Variants in LTBP4 observed in about 807,000 individuals in gnomAD.
LTBP4 encodes latent transforming growth factor beta binding protein 4, also known as latent-transforming growth factor beta-binding protein 4.
A neutral mutation model predicts 180.2 loss-of-function variants in LTBP4; 93 were observed. The ratio of observed to expected loss-of-function variants is 0.52; its 90% CI spans 0.44 to 0.61. The LOEUF (loss-of-function observed/expected upper bound fraction) is 0.61, where lower values mean the gene tolerates loss of function less well. LTBP4 is among the 20% of genes least tolerant of loss of function. The pLI is 0.00. For missense variants in LTBP4, 2,116 were observed against 2,256.5 expected, an observed-to-expected ratio of 0.94 and a Z score of 1.26; for synonymous variants, 947 against 934.5, an observed-to-expected ratio of 1.01 and a Z score of -0.24.
chr19:40,597,551 G>A (rs1045042943), upstream of LTBP4, among the ~76,000 whole-genome samples: 2 of 152,140 alleles, frequency 1.3e-5, no homozygotes, highest in South Asian at 2.1e-4. Context: ...GATTCGGGGA[G>A]TACTGAGATT....
rs765763820 is a variant in LTBP4 at position 40,605,213 on chromosome 19, C to G, written c.429C>G (p.Arg143=). ...SVYTMPLANH[R]DDEHGVASMV... ...ACACTATGCCACTGGCCAACCACCG[C>G]GACGACGAGCACGGTGAGGAAAGGG... Residue 143 remains arginine (R), a synonymous_variant, in exon 2 of 30, where the codon CGC becomes CGG. Coordinates refer to ENST00000396819, the MANE Select transcript of LTBP4 (RefSeq NM_001042545.2). The surrounding 1 kb of genome is among the most constrained non-coding windows in gnomAD (Gnocchi z 5.5). 3.8e-6 allele frequency: 6 copies of G among 1,596,266 alleles called. No homozygotes were observed. The highest frequency in any genetic ancestry group is 5.1e-6 in the Non-Finnish European group (6 of 1,171,632).
chr19:40,627,063 C>G lies in LTBP4; in HGVS notation c.4074C>G (p.Gly1358=), dbSNP rs2081639421. ...GCTTTGGACTCCCCTACGAGTACGG[C>G]CCAGACTTAGGTCCACCTTACCAGG... ...PGGFGLPYEY[G]PDLGPPYQGL... is the part of the protein sequence containing the mutation. The change falls in exon 28 of 30, where the codon GGC becomes GGG. Residue 1358 remains glycine (G), a synonymous_variant. Transcript: ENST00000396819. 1.9e-6 allele frequency: 3 copies of G among 1,613,760 alleles called. No individual in the cohort carries two copies. The highest frequency in any genetic ancestry group is 2.5e-6 in the Non-Finnish European group (3 of 1,179,752).
chr19:40,614,316 C>T lies in LTBP4; in HGVS notation c.2682C>T (p.Asp894=), dbSNP rs2146034048. ...RAGPDLASCL[D]VDECRERGPA... ...CGACCACCCGACCTCTCTCCTCAGA[C>T]GTGGACGAATGTCGCGAGCGAGGCC... Residue 894 remains aspartate (D), a splice_region_variant and synonymous_variant, in exon 19 of 30, where the codon GAC becomes GAT. Transcript: ENST00000396819. 2 of 1,599,070 alleles carry T rather than the reference C, an allele frequency of 1.3e-6. No homozygotes were observed. Among genetic ancestry groups the T allele is most frequent in the Non-Finnish European group, 1.7e-6 (2 of 1,179,240 alleles).
rs567854760 is a variant in LTBP4, at chr19:40,629,676, G to A, written c.*126G>A. Reference sequence around the variant, plus strand: ...GGACCTGGAGAAGGGACCTACGGACGCCTGGAAGCTGCGACGCCCTGCACT... The same window carrying A: ...GGACCTGGAGAAGGGACCTACGGACACCTGGAAGCTGCGACGCCCTGCACT... On this transcript the variant is annotated 3_prime_UTR_variant, in exon 30 of 30. Coordinates refer to ENST00000396819, the MANE Select transcript of LTBP4 (RefSeq NM_001042545.2). This position sits in a 1 kb window ranked among gnomAD's most constrained non-coding sequence, Gnocchi z 4.5. The A allele has an allele frequency of 6.4e-5, 66 of 1,026,542 alleles. No homozygotes were observed. In the African/African-American group the frequency reaches 9.6e-4, roughly 15 times the overall value. 63.6% of individuals were successfully genotyped at this position (1,026,542 alleles called of 1,614,324 possible). A position where few individuals can be genotyped will look rare whatever the true frequency, so the allele number is the denominator to read the frequency against.
Position 40,616,949 on chromosome 19 carries a change from C to T in LTBP4, c.2873C>T (p.Thr958Ile). ...EICGAQRCENTPGSYRCTPAC... is the reference protein window; with the variant it reads ...EICGAQRCENIPGSYRCTPAC... ...TGTGGAGCCCAGCGTTGTGAGAACA[C>T]CCCTGGCTCCTACCGCTGCACACCA... is the stretch of plus-strand genomic sequence containing the variant. Residue 958 changes from threonine (T) to isoleucine (I), a missense_variant, in exon 20 of 30, where the codon ACC becomes ATC. Around this residue, in one of 5 missense-constraint regions of LTBP4, gnomAD observed 877 missense variants for 873.6 expected, o/e 1.00. Transcript: ENST00000396819. The T allele has an allele frequency of 6.2e-7, 1 of 1,614,034 alleles. No homozygotes were observed. The highest frequency in any genetic ancestry group is 1.1e-5 in the South Asian group (1 of 91,076).
rs900805907 is a variant in LTBP4 at position 40,609,871 on chromosome 19, G to A, written c.1684G>A (p.Asp562Asn). Residue 562 changes from aspartate (D) to asparagine (N), a missense_variant and splice_region_variant, in exon 11 of 30, where the codon GAT becomes AAT. Asp to Asn is a conservative substitution (Grantham distance 23). Transcript: ENST00000396819. The surrounding 1 kb of genome is among the most constrained non-coding windows in gnomAD (Gnocchi z 4.9). ...RAGPRAAECL[D>N]VDECHRVPPP... ...CGGCCCACGGGCTGCGGAATGCCTGGGTGAGAAATTTGCCCCACCCGGCTC... is the reference window on the plus strand; with the variant it reads ...CGGCCCACGGGCTGCGGAATGCCTGAGTGAGAAATTTGCCCCACCCGGCTC... The A allele has an allele frequency of 6.4e-7, 1 of 1,554,840 alleles. No individual in the cohort carries two copies. Among genetic ancestry groups the A allele is most frequent in the Non-Finnish European group, 8.7e-7 (1 of 1,148,308 alleles).
intron 1 of LTBP4, among the ~76,000 whole-genome samples, chr19:40,603,966 C>T (rs1446173728): frequency 6.6e-6 from 1 of 152,260 alleles, no homozygotes; most frequent in Non-Finnish European, 1.5e-5. Context: ...AGCGAGGGCG[C>T]GCAGAGGGGA....
chr19:40,616,513 G>A (rs10403833), intron 19 of LTBP4, among the ~76,000 whole-genome samples: 73,954 of 151,784 alleles, frequency 0.49, 19,016 homozygotes, highest in African/African-American at 0.65. Flanking sequence ...TGGACAGATC[G>A]CTTGAGGTCA....
intron 7 of LTBP4, among the ~76,000 whole-genome samples, 175 bp from the exon 8 acceptor site, chr19:40,608,045 G>A (rs1165512421): frequency 6.6e-6 from 1 of 152,164 alleles, no homozygotes; most frequent in African/African-American, 2.4e-5. Context: ...GGCCCCACCT[G>A]TAGCCTCTAA....
chr19:40,604,619 G>A (rs1285343763), intron 1 of LTBP4, among the ~76,000 whole-genome samples: 1 of 152,174 alleles, frequency 6.6e-6, no homozygotes, highest in African/African-American at 2.4e-5. Context: ...TGAGGCAGAA[G>A]GATTGCCTGA....
At chr19:40,612,377 C>G (rs2081514283) in intron 15 of LTBP4, among the ~76,000 whole-genome samples, 185 bp downstream of exon 15, 1 of 152,164 alleles carries the variant, frequency 6.6e-6, no homozygotes, top group South Asian at 2.1e-4. Context: ...TCCTGAGACC[C>G]AACTTGACAG....
At chr19:40,596,738 T>C (rs2081392457), upstream of LTBP4, among the ~76,000 whole-genome samples, 1 of 151,920 alleles carries the variant, frequency 6.6e-6, no homozygotes, top group African/African-American at 2.4e-5. Context: ...ATCCTCAGTC[T>C]CTCTCGTGGA....
rs764380009 is a variant in LTBP4, at chr19:40,611,296, C to T, written c.1955C>T (p.Pro652Leu). The T allele has an allele frequency of 1.4e-5, 23 of 1,611,624 alleles. No homozygotes were observed. Among genetic ancestry groups the T allele is most frequent in the Middle Eastern group, 3.5e-4 (2 of 5,694 alleles). The change falls in exon 13 of 30, where the codon CCG becomes CTG. Residue 652 changes from proline (P) to leucine (L), a missense_variant. By Grantham distance (98) the Pro-to-Leu change is moderately conservative. Transcript: ENST00000396819. The surrounding 1 kb of genome is among the most constrained non-coding windows in gnomAD (Gnocchi z 4.4). ...GTGGATGAGTGTGCCCAGGAGCCGC[C>T]GCCCTGTGGGCCCGGCCGCTGTGAC... ...EDVDECAQEP[P>L]PCGPGRCDNT...
rs1484327345 is a variant in LTBP4, at chr19:40,613,683, A to AG, written c.2557+161dup. The AG allele has an allele frequency of 2.3e-5, 27 of 1,191,592 alleles. No individual in the cohort carries two copies. Among genetic ancestry groups the AG allele is most frequent in the Middle Eastern group, 2.5e-4 (1 of 3,930 alleles). 73.8% of individuals were successfully genotyped at this position (1,191,592 alleles called of 1,614,324 possible). A position where few individuals can be genotyped will look rare whatever the true frequency, so the allele number is the denominator to read the frequency against. Reference sequence around the variant, plus strand: ...AGCTGGTGGGAGTCTCGAGGCAGTGAGGGGGGGCGGGGCGTGGAGATGAAA... The same window carrying AG: ...AGCTGGTGGGAGTCTCGAGGCAGTGAGGGGGGGGCGGGGCGTGGAGATGAAA... On this transcript the variant is annotated intron_variant, in intron 17 of 29. Transcript: ENST00000396819. This position sits in a 1 kb window ranked among gnomAD's most constrained non-coding sequence, Gnocchi z 5.0.
upstream of LTBP4, chr19:40,598,456 G>C (rs1052493692): frequency 1.1e-4 from 17 of 151,552 alleles, no homozygotes; most frequent in African/African-American, 3.9e-4. Flanking sequence ...GGACTTGTCT[G>C]GGGGGCCCCT....
chr19:40,600,778 TC>T (rs2081417975), upstream of LTBP4, among the ~76,000 whole-genome samples: 1 of 152,058 alleles, frequency 6.6e-6, no homozygotes, highest in Non-Finnish European at 1.5e-5. The surrounding 1 kb of genome is among the most constrained non-coding windows in gnomAD (Gnocchi z 4.4). Context: ...TTGTGACTTC[TC>T]CCGCCAGGTG....
rs189740887 is a variant in LTBP4 at position 40,615,715 on chromosome 19, C to T, written c.2813-1174C>T. ...GGAGGTGGCAGTTGAGCCGAGATCG[C>T]GCCACTGCACTGCAGCCTCGGCGAC... is the stretch of plus-strand genomic sequence containing the variant. On this transcript the variant is annotated intron_variant, in intron 19 of 29. Coordinates refer to ENST00000396819, the MANE Select transcript of LTBP4 (RefSeq NM_001042545.2). Among the ~76,000 whole-genome samples the T allele has an allele frequency of 2.1e-3, 323 of 152,102 alleles. 2 individuals carry two copies. The highest frequency in any genetic ancestry group is 5.0e-3 in the Admixed American group (76 of 15,288).
At position 40,605,903 on chromosome 19, in the gene LTBP4, G is replaced by A; in HGVS notation, c.793+72G>A. 7 of 1,457,552 alleles carry A rather than the reference G, an allele frequency of 4.8e-6. No homozygotes were observed. The highest frequency in any genetic ancestry group is 6.4e-6 in the Non-Finnish European group (7 of 1,085,628). The allele number at this position is 1,457,552 out of a possible 1,614,324, so 90.3% of individuals were successfully genotyped here. On this transcript the variant is annotated intron_variant, in intron 4 of 29. Transcript: ENST00000396819. The surrounding 1 kb of genome is among the most constrained non-coding windows in gnomAD (Gnocchi z 5.5). The stretch of plus-strand genomic sequence containing the variant: ...ACAACCTCACCGTTCCTCCTACTCT[G>A]CCCTAGATAAACCCAGTTCACAAAT...
chr19:40,595,538 G>T (rs1220104004), intron 1 of LTBP4, among the ~76,000 whole-genome samples: 1 of 151,844 alleles, frequency 6.6e-6, no homozygotes, highest in East Asian at 1.9e-4. Flanking sequence ...CCCCTTCCTT[G>T]CCTGAGTCTT....
Sources: allele counts gnomAD v4.1 joint callset (sites outside exome capture counted in the v4.1 genomes callset), GRCh38; gene constraint gnomAD v4.1.1; regional missense constraint gnomAD v4.1.1; non-coding constraint Gnocchi (gnomAD v3.1); transcripts MANE v1.5; gene names NCBI Gene and HGNC (gene_info 2026-07-23, HGNC 2026-07-21).